GTF3C1: variants seen among roughly 807,000 people sequenced by gnomAD.
The protein encoded by GTF3C1 is general transcription factor IIIC subunit 1, also known as general transcription factor 3C polypeptide 1.
Under a neutral mutation model 226.7 loss-of-function variants are expected in GTF3C1, and 57 were observed. The observed-to-expected ratio is 0.25, with a 90% CI of 0.20 to 0.31. GTF3C1 has a LOEUF of 0.31. Ranked by LOEUF, GTF3C1 falls within the 10% of genes least tolerant of loss-of-function variation. GTF3C1 has a pLI of 1.00. For synonymous variants in GTF3C1, 1,090 were observed against 1,084.8 expected, an observed-to-expected ratio of 1.00 and a Z score of -0.09; for missense variants, 2,217 against 2,776.1, an observed-to-expected ratio of 0.80 and a Z score of 4.53.
rs185857894 is a variant in GTF3C1 at position 27,505,489 on chromosome 16, G to A, written c.1770+410C>T. On this transcript the variant is annotated intron_variant, in intron 10 of 36. Coordinates refer to ENST00000356183, the MANE Select transcript of GTF3C1 (RefSeq NM_001520.4). ...CTCCCTAAGTGTGGCACTGAGAACT[G>A]TCTCCAGATATTGCGAAATGTCTCC... 2.0e-5 allele frequency among the ~76,000 whole-genome samples: 3 copies of A among 152,296 alleles called. No individual in the cohort carries two copies. The East Asian group carries it at 5.8e-4, about 29-fold the overall frequency.
intron 1 of GTF3C1, 28 bp from the exon 2 acceptor site, chr16:27,545,551 C>A: frequency 7.8e-7 from 1 of 1,277,790 alleles, no homozygotes; most frequent in South Asian, 1.2e-5. Context: ...AATATCAAAG[C>A]CCAACTCAGC....
intron 21 of GTF3C1, among the ~76,000 whole-genome samples, 159 bp downstream of exon 21, chr16:27,488,884 T>C (rs965773509): frequency 2.0e-5 from 3 of 152,144 alleles, no homozygotes; most frequent in Admixed American, 6.5e-5. Context: ...TAAGTTAGCA[T>C]CCACTGGGAA....
intron 16 of GTF3C1, among the ~76,000 whole-genome samples, chr16:27,494,547 C>G (rs781521860): frequency 6.6e-6 from 1 of 152,144 alleles, no homozygotes. Context: ...ACCCATCCAC[C>G]CAATCATCTT....
intron 29 of GTF3C1, among the ~76,000 whole-genome samples, chr16:27,475,139 C>T (rs1312208909): frequency 1.3e-5 from 2 of 152,208 alleles, no homozygotes; most frequent in East Asian, 3.9e-4. Context: ...CCGCCAGGGT[C>T]AACACTGCTG....
At chr16:27,529,330 C>T (rs540423200) in intron 5 of GTF3C1, among the ~76,000 whole-genome samples, 3 of 151,936 alleles carry the variant, frequency 2.0e-5, no homozygotes, top group African/African-American at 7.2e-5. Flanking sequence ...GTAATCCTAG[C>T]TACTCAGGAG....
At chr16:27,512,614 T>C (rs2088592300) in intron 6 of GTF3C1, among the ~76,000 whole-genome samples, 1 of 152,204 alleles carries the variant, frequency 6.6e-6, no homozygotes, top group South Asian at 2.1e-4. Context: ...AGTGTGTGCA[T>C]TCAAATCATC....
At chr16:27,515,088 A>G (rs1338124792) in intron 6 of GTF3C1, among the ~76,000 whole-genome samples, 1 of 152,228 alleles carries the variant, frequency 6.6e-6, no homozygotes, top group East Asian at 1.9e-4. Context: ...GAAGGCAAGA[A>G]ACGGTACTAG....
intron 8 of GTF3C1, 141 bp downstream of exon 8, chr16:27,508,399 T>C: frequency 1.6e-6 from 1 of 629,352 alleles, no homozygotes; most frequent in Non-Finnish European, 2.9e-6. Flanking sequence ...GGCTATGGAC[T>C]GCACTCAGCC....
In GTF3C1 at chr16:27,542,397, C is replaced by T. The variant is rs529109101; in HGVS notation, c.431+2917G>A. 2.2e-4 allele frequency among the ~76,000 whole-genome samples: 33 copies of T among 152,174 alleles called. No individual in the cohort carries two copies. In the South Asian group the frequency reaches 6.8e-3, roughly 32 times the overall value. ...TCAACGCAGTGAAACCCCATCTCTA[C>T]TAAAAATACAAAAATTAGCCGGGCA... is the stretch of plus-strand genomic sequence containing the variant. On this transcript the variant is annotated intron_variant, in intron 2 of 36. Transcript: ENST00000356183.
intron 32 of GTF3C1, among the ~76,000 whole-genome samples, chr16:27,468,816 A>G (rs1159970514): frequency 2.0e-5 from 3 of 152,244 alleles, no homozygotes; most frequent in Admixed American, 2.0e-4. Flanking sequence ...ATTGGAAGTA[A>G]AGGAGGCAGG....
At chr16:27,520,092 G>A (rs967926599) in intron 6 of GTF3C1, among the ~76,000 whole-genome samples, 3 of 152,182 alleles carry the variant, frequency 2.0e-5, no homozygotes, top group African/African-American at 7.2e-5. Context: ...TGGCCTGGGT[G>A]AGACAGAGTG....
chr16:27,467,272 C>T (rs927708515), intron 32 of GTF3C1, among the ~76,000 whole-genome samples: 3 of 152,174 alleles, frequency 2.0e-5, no homozygotes, highest in African/African-American at 4.8e-5. Context: ...ATTCTTAGGG[C>T]CCTTAAGAAT....
chr16:27,487,676 C>A (rs2088163532), intron 23 of GTF3C1, among the ~76,000 whole-genome samples: 1 of 152,150 alleles, frequency 6.6e-6, no homozygotes, highest in Non-Finnish European at 1.5e-5. Flanking sequence ...GCCTGTAATC[C>A]CAGCTACTTG....
chr16:27,548,300 C>T (rs942993949), intron 1 of GTF3C1, among the ~76,000 whole-genome samples: 4 of 152,182 alleles, frequency 2.6e-5, no homozygotes, highest in Non-Finnish European at 5.9e-5. Context: ...CAGAGTCTCA[C>T]TCTGTCACCC....
intron 21 of GTF3C1, among the ~76,000 whole-genome samples, 158 bp from the exon 22 acceptor site, chr16:27,488,793 A>C (rs1302885108): frequency 6.6e-6 from 1 of 152,190 alleles, no homozygotes; most frequent in Admixed American, 6.5e-5. Context: ...ACCATTGCTC[A>C]TGCACTCCCT....
intron 6 of GTF3C1, 99 bp from the exon 7 acceptor site, chr16:27,512,000 C>T: frequency 2.3e-6 from 3 of 1,325,326 alleles, no homozygotes; most frequent in African/African-American, 1.4e-5. Flanking sequence ...TCAGCAGAGA[C>T]AGAGATCCCC....
chr16:27,529,610 G>A (rs892832585), intron 5 of GTF3C1, among the ~76,000 whole-genome samples: 8 of 152,104 alleles, frequency 5.3e-5, no homozygotes, highest in African/African-American at 1.2e-4. Context: ...CAGTGCAGGC[G>A]GTGCTTTTAA....
chr16:27,486,887 T>C (rs1225655727), intron 23 of GTF3C1, among the ~76,000 whole-genome samples: 2 of 152,262 alleles, frequency 1.3e-5, no homozygotes, highest in African/African-American at 4.8e-5. Flanking sequence ...TTGTTATCAC[T>C]GTTTTTTGTT....
chr16:27,498,390 TGG>T (rs1386188069), intron 13 of GTF3C1, among the ~76,000 whole-genome samples: 2 of 152,184 alleles, frequency 1.3e-5, no homozygotes, highest in African/African-American at 4.8e-5. Context: ...AGGCCTATGA[TGG>T]GGAGTGCTCT....
Sources: gnomAD v4.1 joint callset for allele counts (sites outside exome capture counted in the v4.1 genomes callset) on GRCh38, gnomAD v4.1.1 for gene constraint, MANE v1.5 for transcripts, NCBI Gene and HGNC (gene_info 2026-07-23, HGNC 2026-07-21) for gene names.